Variants in NAALADL2 observed in about 807,000 individuals in gnomAD.
NAALADL2 encodes N-acetylated alpha-linked acidic dipeptidase like 2.
A neutral mutation model predicts 87.2 loss-of-function variants in NAALADL2; 76 were observed. That is an observed-to-expected ratio of 0.87 (90% CI 0.72 to 1.05). NAALADL2 has a LOEUF of 1.05. NAALADL2 is among the 50% of genes least tolerant of loss of function. The pLI is 0.00. For missense variants in NAALADL2, 1,089 were observed against 945.8 expected (o/e 1.15, Z -1.99); for synonymous variants, 354 against 331.0 (o/e 1.07, Z -0.75).
chr3:175,148,017 C>T (rs1017237261), intron 2 of NAALADL2, among the ~76,000 whole-genome samples: 11 of 150,564 alleles, frequency 7.3e-5, no homozygotes, highest in African/African-American at 2.4e-4. Context: ...TTGCAGTGAG[C>T]CGAGACTGGG....
intron 2 of NAALADL2, among the ~76,000 whole-genome samples, chr3:175,189,517 G>A (rs1316765684): frequency 6.6e-6 from 1 of 152,068 alleles, no homozygotes; most frequent in Non-Finnish European, 1.5e-5. Flanking sequence ...TAAACCTAAG[G>A]AGGTAAAAGT....
intron 9 of NAALADL2, among the ~76,000 whole-genome samples, chr3:175,559,631 G>T (rs560168918): frequency 6.6e-6 from 1 of 152,130 alleles, no homozygotes; most frequent in South Asian, 2.1e-4. Context: ...CAAGTTTTTT[G>T]ACGGTTTTAT....
At chr3:175,314,414 A>T (rs1433809200) in intron 4 of NAALADL2, among the ~76,000 whole-genome samples, 1 of 151,238 alleles carries the variant, frequency 6.6e-6, no homozygotes, top group South Asian at 2.1e-4. Flanking sequence ...CTACTCTTAG[A>T]TAACAAAACA....
intron 3 of NAALADL2, among the ~76,000 whole-genome samples, chr3:174,807,888 T>TGTGTGTGTGTGTGTGA (rs575685742): frequency 2.2e-3 from 240 of 111,594 alleles, no homozygotes; most frequent in African/African-American, 6.3e-3. Flanking sequence ...TGTGTGTGTG[T>TGTGTGTGTGTGTGTGA]GAGAGAGAGA....
chr3:175,032,841 G>A (rs1398075673), intron 1 of NAALADL2, among the ~76,000 whole-genome samples: 4 of 151,812 alleles, frequency 2.6e-5, no homozygotes, highest in African/African-American at 9.7e-5. Flanking sequence ...AACACATTTG[G>A]GCATAAAGTG....
chr3:175,012,568 T>A (rs1749985475), intron 1 of NAALADL2, among the ~76,000 whole-genome samples: 1 of 152,158 alleles, frequency 6.6e-6, no homozygotes, highest in Non-Finnish European at 1.5e-5. Context: ...TATTAACGTG[T>A]TACGGACATT....
At chr3:174,790,635 C>T (rs1323188826) in intron 3 of NAALADL2, among the ~76,000 whole-genome samples, 1 of 96,118 alleles carries the variant, frequency 1.0e-5, no homozygotes, top group Non-Finnish European at 2.1e-5. Context: ...GTGACAAAAG[C>T]AAAACTCCAT....
chr3:175,279,606 A>C (rs4273375), intron 4 of NAALADL2, among the ~76,000 whole-genome samples: 57,183 of 151,662 alleles, frequency 0.38, 11,534 homozygotes, highest in East Asian at 0.53. Context: ...TTTAATTCCT[A>C]GTTCAAACCA....
rs188185126 is a variant in NAALADL2, at chr3:175,404,622, G to A, written c.1091-42607G>A. Among the ~76,000 whole-genome samples, 77 of 152,202 alleles carry A rather than the reference G, an allele frequency of 5.1e-4. 2 individuals carry two copies. The highest frequency in any genetic ancestry group is 1.6e-3 in the African/African-American group (66 of 41,562). On this transcript the variant is annotated intron_variant, in intron 5 of 13. Transcript: ENST00000454872. ...ACTAGATTTAAATTCTTACTAAGTC[G>A]CATGAAACCTTTAATATGGAAATAC... is the stretch of plus-strand genomic sequence containing the variant.
chr3:174,589,736 G>T (rs557863160), intron 2 of NAALADL2, among the ~76,000 whole-genome samples: 3 of 152,102 alleles, frequency 2.0e-5, no homozygotes, highest in African/African-American at 7.2e-5. Context: ...GAAAATTTTT[G>T]ATTACTAAGT....
At chr3:175,432,878 A>C (rs982093728) in intron 5 of NAALADL2, among the ~76,000 whole-genome samples, 1 of 152,074 alleles carries the variant, frequency 6.6e-6, no homozygotes, top group Non-Finnish European at 1.5e-5. Context: ...TTCATCAGCA[A>C]CTTACTTTTA....
chr3:175,097,824 A>G (rs1721418735), intron 2 of NAALADL2, among the ~76,000 whole-genome samples: 1 of 152,150 alleles, frequency 6.6e-6, no homozygotes, highest in African/African-American at 2.4e-5. Context: ...TAGTGAAGTG[A>G]AGAACTAGAT....
At chr3:175,208,164 T>A (rs1188690293) in intron 2 of NAALADL2, among the ~76,000 whole-genome samples, 2 of 152,114 alleles carry the variant, frequency 1.3e-5, no homozygotes, top group Non-Finnish European at 2.9e-5. Context: ...CTCTAGTAAA[T>A]TTAATATTTT....
chr3:174,647,253 T>C (rs1160025313), intron 2 of NAALADL2, among the ~76,000 whole-genome samples: 3 of 152,186 alleles, frequency 2.0e-5, no homozygotes, highest in Non-Finnish European at 4.4e-5. Context: ...TTGCTCAAGG[T>C]TGCATTGTTA....
At chr3:174,798,689 A>G (rs563649226) in intron 3 of NAALADL2, among the ~76,000 whole-genome samples, 5 of 151,882 alleles carry the variant, frequency 3.3e-5, no homozygotes, top group Non-Finnish European at 7.4e-5. Context: ...TGTTAAATGA[A>G]TTTTTTTAAA....
At chr3:175,521,977 T>C (rs1732718174) in intron 9 of NAALADL2, among the ~76,000 whole-genome samples, 1 of 152,150 alleles carries the variant, frequency 6.6e-6, no homozygotes, top group African/African-American at 2.4e-5. Flanking sequence ...AAAACAATAA[T>C]CAACATTTTT....
chr3:175,288,997 G>A (rs1755316016), intron 4 of NAALADL2, among the ~76,000 whole-genome samples: 1 of 152,072 alleles, frequency 6.6e-6, no homozygotes, highest in African/African-American at 2.4e-5. Context: ...GAAAAACCTG[G>A]TAAAACTTGA....
chr3:175,002,343 G>A (rs1201876173), intron 1 of NAALADL2, among the ~76,000 whole-genome samples: 2 of 152,096 alleles, frequency 1.3e-5, no homozygotes, highest in African/African-American at 2.4e-5. Flanking sequence ...TATATTGTTC[G>A]AATGACCACT....
chr3:174,950,780 A>C, intron 1 of NAALADL2, among the ~76,000 whole-genome samples: 1 of 152,180 alleles, frequency 6.6e-6, no homozygotes. Flanking sequence ...TAAAAGTAGC[A>C]TTTTACAAAA....
Sources: gnomAD v4.1 joint callset for allele counts (sites outside exome capture counted in the v4.1 genomes callset) on GRCh38, gnomAD v4.1.1 for gene constraint, MANE v1.5 for transcripts, NCBI Gene and HGNC (gene_info 2026-07-23, HGNC 2026-07-21) for gene names.